UBP1: variants seen among roughly 807,000 people sequenced by gnomAD.
UBP1 encodes the protein upstream-binding protein 1.
Under a neutral mutation model 76.1 loss-of-function variants are expected in UBP1, and 22 were observed. The observed-to-expected ratio is 0.29, with a 90% CI of 0.21 to 0.41. The LOEUF (loss-of-function observed/expected upper bound fraction) is 0.41, where lower values mean the gene tolerates loss of function less well. Among genes scored for constraint, UBP1 ranks in the 10% least tolerant of loss-of-function variants. The pLI is 1.00. For synonymous variants in UBP1, 224 were observed against 237.1 expected (o/e 0.94, Z 0.51); for missense variants, 436 against 668.1 (o/e 0.65, Z 3.83).
At chr3:33,437,991 T>C (rs1234583998) in intron 1 of UBP1, among the ~76,000 whole-genome samples, 1 of 152,202 alleles carries the variant, frequency 6.6e-6, no homozygotes, top group Non-Finnish European at 1.5e-5. Flanking sequence ...CTTTGAAAAT[T>C]TAGATTAAAT....
intron 2 of UBP1, among the ~76,000 whole-genome samples, chr3:33,419,658 A>C (rs905480348): frequency 6.6e-6 from 1 of 151,694 alleles, no homozygotes; most frequent in Admixed American, 6.6e-5. Flanking sequence ...GAAGAAAAGA[A>C]AAGACTCTAT....
intron 1 of UBP1, among the ~76,000 whole-genome samples, chr3:33,436,829 G>GA (rs1372206130): frequency 6.6e-6 from 1 of 152,086 alleles, no homozygotes; most frequent in Admixed American, 6.5e-5. Flanking sequence ...CTGTGTGGGG[G>GA]AAAAATCAGC....
At position 33,407,549 on chromosome 3, in the gene UBP1, A is replaced by T. The variant is rs1422099139; in HGVS notation, c.927+1141T>A. 2.0e-4 allele frequency among the ~76,000 whole-genome samples: 21 copies of T among 105,432 alleles called. No homozygotes were observed. In the East Asian group the frequency reaches 3.1e-3, roughly 15 times the overall value. 69.2% of individuals were successfully genotyped at this position (105,432 alleles called of 152,430 possible). A position where few individuals can be genotyped will look rare whatever the true frequency, so the allele number is the denominator to read the frequency against. ...ACAATCTTTGATTCGAATTTATTTA[A>T]AAAAAAAAAAAAAAGCCCAGTTAAA... On this transcript the variant is annotated intron_variant, in intron 8 of 15. Coordinates refer to ENST00000283629, the MANE Select transcript of UBP1 (RefSeq NM_014517.5).
At chr3:33,432,163 A>G (rs1398501783) in intron 1 of UBP1, among the ~76,000 whole-genome samples, 1 of 152,080 alleles carries the variant, frequency 6.6e-6, no homozygotes, top group Non-Finnish European at 1.5e-5. Context: ...TCTACAAAAA[A>G]TAGCAAAAAA....
At chr3:33,392,478 A>T in intron 15 of UBP1, 85 bp downstream of exon 15, 1 of 1,145,888 alleles carries the variant, frequency 8.7e-7, no homozygotes, top group Non-Finnish European at 1.2e-6. Context: ...ATCATTTTAA[A>T]GAATAAACAC....
chr3:33,424,695 AG>A (rs967870458), intron 2 of UBP1, among the ~76,000 whole-genome samples: 18 of 152,298 alleles, frequency 1.2e-4, no homozygotes, highest in African/African-American at 4.3e-4. Flanking sequence ...TTTTGTTTAC[AG>A]GGGTAAGTCA....
At position 33,440,297 on chromosome 3, in the gene UBP1, C is replaced by G. The variant is rs1453581496; in HGVS notation, c.-449G>C. On this transcript the variant is annotated 5_prime_UTR_variant, in exon 1 of 16. Transcript: ENST00000283629. ...CCAAGCCTTGACTCCTTGCCCCCGGCCCGCCCAGGCTCTAGCGCCACACCG... is the reference window on the plus strand; with the variant it reads ...CCAAGCCTTGACTCCTTGCCCCCGGGCCGCCCAGGCTCTAGCGCCACACCG... 6.5e-6 allele frequency: 1 copy of G among 153,106 alleles called. No individual in the cohort carries two copies. Among genetic ancestry groups the G allele is most frequent in the Non-Finnish European group, 1.4e-5 (1 of 68,998 alleles). The allele number at this position is 153,106 out of a possible 1,614,324, so 9.5% of individuals were successfully genotyped here. A position where few individuals can be genotyped will look rare whatever the true frequency, so the allele number is the denominator to read the frequency against.
At chr3:33,394,191 T>TTTATTATTATTG (rs2043875731) in intron 13 of UBP1, among the ~76,000 whole-genome samples, 1 of 143,428 alleles carries the variant, frequency 7.0e-6, no homozygotes, top group Non-Finnish European at 1.5e-5. Flanking sequence ...CTGGCTAATT[T>TTTATTATTATTG]TTATTATTAT....
chr3:33,412,581 CAAA>C (rs35702863), intron 4 of UBP1, 138 bp downstream of exon 4: 5,760 of 493,894 alleles, frequency 0.012, no homozygotes, highest in South Asian at 0.018. Flanking sequence ...GGCTCTGTCT[CAAA>C]AAAAAAAAAA....
intron 2 of UBP1, among the ~76,000 whole-genome samples, chr3:33,424,081 CTTTT>C (rs1227249919): frequency 2.0e-5 from 3 of 152,138 alleles, no homozygotes; most frequent in Admixed American, 2.0e-4. Context: ...AGGTTATTTC[CTTTT>C]TTATCTTTAG....
rs1575471021 is a variant in UBP1, at chr3:33,409,446, T to C, written c.708+3A>G. 6.2e-7 allele frequency: 1 copy of C among 1,614,154 alleles called. No homozygotes were observed. Among genetic ancestry groups the C allele is most frequent in the Non-Finnish European group, 8.5e-7 (1 of 1,180,008 alleles). ...TACAGAAAACCCGGGTTCTCTGTCT[T>C]ACCTTAAAAACTTTGATTTGGCAGC... On this transcript the variant is annotated splice_donor_region_variant and intron_variant, in intron 6 of 15. Coordinates refer to ENST00000283629, the MANE Select transcript of UBP1 (RefSeq NM_014517.5).
At chr3:33,429,191 A>G (rs2045072010) in intron 1 of UBP1, among the ~76,000 whole-genome samples, 2 of 152,200 alleles carry the variant, frequency 1.3e-5, no homozygotes, top group African/African-American at 4.8e-5. Context: ...TAATCAACCA[A>G]TTAGTATTAA....
At chr3:33,432,258 A>T (rs2045127416) in intron 1 of UBP1, among the ~76,000 whole-genome samples, 1 of 152,156 alleles carries the variant, frequency 6.6e-6, no homozygotes, top group Non-Finnish European at 1.5e-5. Context: ...TAGGAAGTCG[A>T]GGCTGCAGTG....
intron 3 of UBP1, among the ~76,000 whole-genome samples, chr3:33,416,389 G>A (rs2044729860): frequency 6.6e-6 from 1 of 152,158 alleles, no homozygotes; most frequent in Non-Finnish European, 1.5e-5. Context: ...GGTGAACAGA[G>A]ATTTCTATTT....
intron 1 of UBP1, 27 bp from the exon 2 acceptor site, chr3:33,425,768 C>T (rs769448756): frequency 6.4e-7 from 1 of 1,555,254 alleles, no homozygotes; most frequent in Non-Finnish European, 8.8e-7. Context: ...CAACACTGAC[C>T]TTACTTTGGG....
intron 1 of UBP1, among the ~76,000 whole-genome samples, chr3:33,435,893 A>C (rs938345806): frequency 6.6e-6 from 1 of 152,238 alleles, no homozygotes; most frequent in Non-Finnish European, 1.5e-5. Flanking sequence ...TACTGAATGA[A>C]TATGGCTTAT....
At chr3:33,435,388 C>A (rs150016950) in intron 1 of UBP1, among the ~76,000 whole-genome samples, 1 of 152,314 alleles carries the variant, frequency 6.6e-6, no homozygotes, top group Admixed American at 6.5e-5. Flanking sequence ...ATAATAAAGT[C>A]CCAATCAACC....
At chr3:33,403,636 G>T (rs996631857) in intron 8 of UBP1, 10 of 150,588 alleles carry the variant, frequency 6.6e-5, no homozygotes, top group South Asian at 2.1e-4. Context: ...TTTTCTGGAA[G>T]GGTTATGGTG....
At chr3:33,434,994 A>AT (rs1419612498) in intron 1 of UBP1, among the ~76,000 whole-genome samples, 1 of 152,114 alleles carries the variant, frequency 6.6e-6, no homozygotes, top group African/African-American at 2.4e-5. Flanking sequence ...CTGGTTTTAC[A>AT]TTTTTTAAAG....
Sources: gnomAD v4.1 joint callset for allele counts (sites outside exome capture counted in the v4.1 genomes callset) on GRCh38, gnomAD v4.1.1 for gene constraint, MANE v1.5 for transcripts, NCBI Gene and HGNC (gene_info 2026-07-23, HGNC 2026-07-21) for gene names.